The following NSG2 variants were observed in gnomAD, a reference collection of about 807,000 sequenced individuals.
The protein encoded by NSG2 is neuronal vesicle trafficking associated 2.
A neutral mutation model predicts 16.9 loss-of-function variants in NSG2; 4 were observed. The ratio of observed to expected loss-of-function variants is 0.24; its 90% confidence interval spans 0.12 to 0.54. The LOEUF is 0.54. Ranked by LOEUF, NSG2 falls within the 20% of genes least tolerant of loss-of-function variation. NSG2 has a pLI of 0.95. For synonymous variants in NSG2, 98 were observed against 88.7 expected, an observed-to-expected ratio of 1.11 and a Z score of -0.59; for missense variants, 179 against 221.1, an observed-to-expected ratio of 0.81 and a Z score of 1.21.
At chr5:174,065,785 C>T (rs1279006727) in intron 3 of NSG2, among the ~76,000 whole-genome samples, 1 of 152,198 alleles carries the variant, frequency 6.6e-6, no homozygotes, top group East Asian at 1.9e-4. Context: ...TGGGCTTGAG[C>T]CTTGGTTCCA....
intron 2 of NSG2, among the ~76,000 whole-genome samples, chr5:174,049,662 G>T (rs1023310933): frequency 2.0e-5 from 3 of 152,120 alleles, no homozygotes; most frequent in Non-Finnish European, 2.9e-5. Context: ...ACCTCAGCAG[G>T]AATGAGGAGT....
chr5:174,092,957 G>A (rs146906321), intron 3 of NSG2, among the ~76,000 whole-genome samples: 199 of 152,302 alleles, frequency 1.3e-3, no homozygotes, highest in Non-Finnish European at 2.3e-3. Flanking sequence ...TGGCAGGATT[G>A]TAATAAGTGT....
chr5:174,046,512 G>A (rs1759798580), intron 1 of NSG2: 2 of 499,394 alleles, frequency 4.0e-6, no homozygotes, highest in Non-Finnish European at 7.1e-6. Context: ...TTAAATTTGA[G>A]TGCTGTTGAA....
intron 3 of NSG2, among the ~76,000 whole-genome samples, chr5:174,096,613 G>A (rs535401067): frequency 6.6e-6 from 1 of 152,306 alleles, no homozygotes; most frequent in South Asian, 2.1e-4. Context: ...TTGTTGGAGA[G>A]TCTAGGGCGG....
chr5:174,097,590 T>C (rs553336438), intron 3 of NSG2, among the ~76,000 whole-genome samples: 1 of 151,602 alleles, frequency 6.6e-6, no homozygotes, highest in East Asian at 1.9e-4. Flanking sequence ...TCTGTGTGTG[T>C]GTAACTGTGT....
In NSG2 at chr5:174,104,334, A is replaced by T. The variant is rs1760945081; in HGVS notation, c.320A>T (p.Tyr107Phe). 6.2e-7 allele frequency: 1 copy of T among 1,609,102 alleles called. No individual in the cohort carries two copies. Among genetic ancestry groups the T allele is most frequent in the African/African-American group, 1.3e-5 (1 of 74,814 alleles). The change falls in exon 4 of 5, where the codon TAT becomes TTT. Residue 107 changes from tyrosine (Y) to phenylalanine (F), a missense_variant. Coordinates refer to ENST00000303177, the MANE Select transcript of NSG2 (RefSeq NM_015980.5). The part of the protein sequence containing the change: ...YDHSCPEGFV[Y>F]KHKRCIPASL... ...CACAGCTGCCCAGAGGGATTCGTCT[A>T]TAAGGTAAGAGGTGGTTGAGTAGTC...
intron 4 of NSG2, 106 bp downstream of exon 4, chr5:174,104,444 A>G: frequency 1.3e-6 from 1 of 768,430 alleles, no homozygotes; most frequent in Non-Finnish European, 2.2e-6. Context: ...CGACCTCTCT[A>G]CCGACTGTTT....
chr5:174,104,013 C>CA (rs1186387600), intron 3 of NSG2, among the ~76,000 whole-genome samples: 1 of 151,624 alleles, frequency 6.6e-6, no homozygotes, highest in East Asian at 1.9e-4. Context: ...AAAACCAAAA[C>CA]AAAAAAAATG....
intron 3 of NSG2, among the ~76,000 whole-genome samples, chr5:174,088,319 G>A (rs1385310): frequency 5.9e-5 from 9 of 152,142 alleles, no homozygotes; most frequent in East Asian, 1.9e-4. Flanking sequence ...CGGAGAGTCC[G>A]TCTGTCCCCA....
At chr5:174,074,847 C>T (rs1382198058) in intron 3 of NSG2, among the ~76,000 whole-genome samples, 2 of 151,906 alleles carry the variant, frequency 1.3e-5, no homozygotes, top group Non-Finnish European at 2.9e-5. Context: ...GCTCATCTCC[C>T]CTGGAACTGG....
At chr5:174,047,823 A>G (rs1759823144) in intron 2 of NSG2, among the ~76,000 whole-genome samples, 1 of 152,184 alleles carries the variant, frequency 6.6e-6, no homozygotes, top group Non-Finnish European at 1.5e-5. Context: ...GGGTTTTATT[A>G]TGTGAGCTTT....
intron 3 of NSG2, among the ~76,000 whole-genome samples, chr5:174,071,224 C>T (rs1760236040): frequency 1.3e-5 from 2 of 152,234 alleles, no homozygotes; most frequent in South Asian, 4.1e-4. Context: ...ACCAGTGGCT[C>T]ATGCCTGTTA....
chr5:174,071,119 A>G (rs116309703), intron 3 of NSG2, among the ~76,000 whole-genome samples: 3 of 152,156 alleles, frequency 2.0e-5, no homozygotes, highest in African/African-American at 7.2e-5. Context: ...AGTGGGAGGG[A>G]CACCTTAGCC....
intron 3 of NSG2, among the ~76,000 whole-genome samples, chr5:174,067,889 C>A (rs972185139): frequency 6.6e-6 from 1 of 152,044 alleles, no homozygotes; most frequent in African/African-American, 2.4e-5. Context: ...TGTCTACCTG[C>A]CACTGAGGTA....
Position 174,107,355 on chromosome 5 carries a change from C to T in NSG2, c.366C>T (p.Ser122=), listed in dbSNP as rs748035501. ...CAGCCTCCCTGGATGCTTACTACTC[C>T]TCCCAGGACCCCAATTCCAGAAGCC... ...CIPASLDAYY[S]SQDPNSRSRF... Residue 122 remains serine (S), a synonymous_variant, in exon 5 of 5, where the codon TCC becomes TCT. Transcript: ENST00000303177. The surrounding 1 kb of genome is among the most constrained non-coding windows in gnomAD (Gnocchi z 4.5). The T allele has an allele frequency of 6.3e-7, 1 of 1,594,426 alleles. No individual in the cohort carries two copies. The highest frequency in any genetic ancestry group is 1.1e-5 in the South Asian group (1 of 89,754).
chr5:174,072,984 AAATGAATGAATG>A lies in NSG2; in HGVS notation c.213+8682_213+8693del, dbSNP rs151110965. 7.0e-6 allele frequency among the ~76,000 whole-genome samples: 1 copy of A among 142,734 alleles called. No individual in the cohort carries two copies. The highest frequency in any genetic ancestry group is 1.6e-5 in the Non-Finnish European group (1 of 63,466). The allele number at this position is 142,734 out of a possible 152,430, so 93.6% of individuals were successfully genotyped here. On this transcript the variant is annotated intron_variant, in intron 3 of 4. Transcript: ENST00000303177. This position sits in a 1 kb window ranked among gnomAD's most constrained non-coding sequence, Gnocchi z 4.0. ...GGGTAACAGAGTGAGATCCTGTCTC[AAATGAATGAATG>A]AATGAATGAATGCATAAGGAGGTGA...
chr5:174,060,988 C>T (rs527458610), intron 2 of NSG2, among the ~76,000 whole-genome samples: 16 of 152,232 alleles, frequency 1.1e-4, no homozygotes, highest in Admixed American at 8.5e-4. Context: ...TTATACAGCA[C>T]ATGAACACCA....
chr5:174,089,890 G>A (rs953568484), intron 3 of NSG2, among the ~76,000 whole-genome samples: 1 of 152,114 alleles, frequency 6.6e-6, no homozygotes, highest in African/African-American at 2.4e-5. Flanking sequence ...CAAAGTGCTG[G>A]GATTATAGGC....
chr5:174,090,202 C>T (rs1297030647), intron 3 of NSG2, among the ~76,000 whole-genome samples: 9 of 152,072 alleles, frequency 5.9e-5, no homozygotes, highest in Non-Finnish European at 1.2e-4. Context: ...TGATCTCTTA[C>T]AGCAAAGGGA....
Sources: allele counts gnomAD v4.1 joint callset (sites outside exome capture counted in the v4.1 genomes callset), GRCh38; gene constraint gnomAD v4.1.1; non-coding constraint Gnocchi (gnomAD v3.1); transcripts MANE v1.5; gene names NCBI Gene and HGNC (gene_info 2026-07-23, HGNC 2026-07-21).